The following HS6ST2 variants were observed in gnomAD, a reference collection of about 807,000 sequenced individuals.
The protein encoded by HS6ST2 is heparan sulfate 6-O-sulfotransferase 2.
Under a neutral mutation model 33.0 loss-of-function variants are expected in HS6ST2, and 17 were observed. The observed-to-expected ratio is 0.52, with a 90% CI of 0.35 to 0.77. The LOEUF is 0.77. Among genes scored for constraint, HS6ST2 ranks in the 30% least tolerant of loss-of-function variants. The probability of loss-of-function intolerance (pLI) is 0.01; values close to 1 mark genes in which losing one functional copy is unlikely to be tolerated. For missense variants in HS6ST2, 519 were observed against 551.7 expected, an observed-to-expected ratio of 0.94 and a Z score of 0.59; for synonymous variants, 248 against 237.1, an observed-to-expected ratio of 1.05 and a Z score of -0.42.
intron 2 of HS6ST2, among the ~76,000 whole-genome samples, chrX:132,759,131 G>C (rs1344838217): frequency 8.9e-6 from 1 of 111,904 alleles, no homozygotes. Flanking sequence ...ATGCAAAGAG[G>C]CTGACCTGCT....
At chrX:132,812,994 TAATTAAA>T (rs1361714616) in intron 2 of HS6ST2, among the ~76,000 whole-genome samples, 1 of 110,927 alleles carries the variant, frequency 9.0e-6, no homozygotes, top group Non-Finnish European at 1.9e-5. Flanking sequence ...ACTTTCTCCA[TAATTAAA>T]AAAAAGTTAT....
intron 2 of HS6ST2, among the ~76,000 whole-genome samples, chrX:132,795,763 T>C (rs986115096): frequency 9.0e-6 from 1 of 110,872 alleles, no homozygotes; most frequent in Non-Finnish European, 1.9e-5. Flanking sequence ...TGCACCACTA[T>C]GCCTGGCTAA....
intron 2 of HS6ST2, among the ~76,000 whole-genome samples, chrX:132,711,031 A>G (rs776355503): frequency 4.5e-5 from 5 of 111,911 alleles, no homozygotes; most frequent in Middle Eastern, 4.6e-3. Context: ...TGACCCAGAC[A>G]CTGGCTGGAG....
intron 2 of HS6ST2, among the ~76,000 whole-genome samples, chrX:132,902,405 A>G (rs2066434049): frequency 8.9e-6 from 1 of 112,525 alleles, no homozygotes; most frequent in South Asian, 3.7e-4. Context: ...ACCAGGCCAG[A>G]TAACACTAAT....
chrX:132,868,025 G>T (rs192506629), intron 2 of HS6ST2, among the ~76,000 whole-genome samples: 5 of 111,974 alleles, frequency 4.5e-5, no homozygotes, highest in African/African-American at 1.6e-4. Flanking sequence ...TCAGTGTGCT[G>T]TATTCAGGAG....
intron 2 of HS6ST2, among the ~76,000 whole-genome samples, chrX:132,826,757 A>G (rs1298840915): frequency 9.0e-6 from 1 of 110,792 alleles, no homozygotes; most frequent in Non-Finnish European, 1.9e-5. Context: ...TTCTTTTCAG[A>G]GAACACCTAT....
intron 2 of HS6ST2, among the ~76,000 whole-genome samples, chrX:132,888,871 ATGTGTG>A (rs750026288): frequency 1.8e-5 from 2 of 109,282 alleles, no homozygotes; most frequent in Non-Finnish European, 3.8e-5. Flanking sequence ...GCTTGTGTGC[ATGTGTG>A]TGTGTGTGTG....
rs777519702 is a variant in HS6ST2, at chrX:132,761,664, T to C, written c.948-53170A>G. ...AATTGGTCCATGCAAGGAGAGTTAT[T>C]ACATCTTCTGAACCGTTAGGTCCCA... On this transcript the variant is annotated intron_variant, in intron 2 of 4. Coordinates refer to ENST00000370833, the MANE Select transcript of HS6ST2 (RefSeq NM_001394073.1). Among the ~76,000 whole-genome samples the C allele has an allele frequency of 1.5e-4, 17 of 112,227 alleles. No homozygotes were observed. In the East Asian group the frequency reaches 4.2e-3, roughly 28 times the overall value.
At chrX:132,860,516 A>G (rs1245604696) in intron 2 of HS6ST2, among the ~76,000 whole-genome samples, 1 of 111,853 alleles carries the variant, frequency 8.9e-6, no homozygotes, top group Non-Finnish European at 1.9e-5. Flanking sequence ...TGAAGGCTGG[A>G]TAATTCTGAT....
chrX:132,747,879 G>A (rs2064661186), intron 2 of HS6ST2, among the ~76,000 whole-genome samples: 2 of 111,409 alleles, frequency 1.8e-5, no homozygotes, highest in Admixed American at 1.9e-4. Flanking sequence ...TCCCCACTAT[G>A]GGAAGGAAAC....
At chrX:132,706,502 A>G (rs1372215733) in intron 3 of HS6ST2, among the ~76,000 whole-genome samples, 1 of 111,940 alleles carries the variant, frequency 8.9e-6, no homozygotes, top group African/African-American at 3.2e-5. Context: ...AGAGAGATTG[A>G]CAGGCACTCT....
At chrX:132,943,615 T>A (rs1025872573) in intron 2 of HS6ST2, among the ~76,000 whole-genome samples, 13 of 110,131 alleles carry the variant, frequency 1.2e-4, no homozygotes, top group Middle Eastern at 4.7e-3. Flanking sequence ...CTCAATAAAA[T>A]ACTGGCAAAC....
At chrX:132,943,813 T>A (rs1230396252) in intron 2 of HS6ST2, among the ~76,000 whole-genome samples, 1 of 111,743 alleles carries the variant, frequency 8.9e-6, no homozygotes, top group Admixed American at 9.6e-5. Context: ...CAATAGCCCT[T>A]CATGCTAAAA....
chrX:132,675,870 G>T (rs940862749), intron 3 of HS6ST2, among the ~76,000 whole-genome samples: 1 of 108,244 alleles, frequency 9.2e-6, no homozygotes, highest in African/African-American at 3.4e-5. Flanking sequence ...GTCTCTGCAC[G>T]TGTCTCACTA....
chrX:132,730,484 C>T (rs1372375097), intron 2 of HS6ST2, among the ~76,000 whole-genome samples: 3 of 112,258 alleles, frequency 2.7e-5, no homozygotes, highest in South Asian at 3.8e-4. Context: ...ATCAGCTTCC[C>T]GAGAACATCT....
intron 2 of HS6ST2, among the ~76,000 whole-genome samples, chrX:132,710,149 C>T (rs2064219042): frequency 9.0e-6 from 1 of 110,620 alleles, no homozygotes; most frequent in African/African-American, 3.3e-5. Context: ...ACCTGGGAGC[C>T]CAGGTGGGAA....
intron 2 of HS6ST2, among the ~76,000 whole-genome samples, chrX:132,842,770 G>A (rs1247722142): frequency 8.9e-6 from 1 of 112,208 alleles, no homozygotes; most frequent in Non-Finnish European, 1.9e-5. Flanking sequence ...TGCCTGGGAT[G>A]TTTAAGCCAG....
intron 2 of HS6ST2, among the ~76,000 whole-genome samples, chrX:132,835,846 G>A (rs1256050153): frequency 1.8e-5 from 2 of 111,689 alleles, no homozygotes; most frequent in African/African-American, 6.5e-5. Context: ...AACCTGGGAG[G>A]TGGAGGTTGC....
At chrX:132,867,109 T>G (rs1294740144) in intron 2 of HS6ST2, among the ~76,000 whole-genome samples, 1 of 99,020 alleles carries the variant, frequency 1.0e-5, no homozygotes, top group African/African-American at 3.9e-5. Context: ...TGATATTGGC[T>G]GTGGGTTTGT....
Sources: gnomAD v4.1 joint callset for allele counts (sites outside exome capture counted in the v4.1 genomes callset) on GRCh38, gnomAD v4.1.1 for gene constraint, MANE v1.5 for transcripts, NCBI Gene and HGNC (gene_info 2026-07-23, HGNC 2026-07-21) for gene names.